TRPC4: variants seen among roughly 807,000 people sequenced by gnomAD.
The protein encoded by TRPC4 is transient receptor potential cation channel subfamily C member 4.
TRPC4 carries 49 observed loss-of-function variants against 99.4 expected under a neutral mutation model. The observed-to-expected ratio is 0.49, with a 90% confidence interval of 0.39 to 0.63. The LOEUF is 0.63. Among genes scored for constraint, TRPC4 ranks in the 20% least tolerant of loss-of-function variants. The probability of loss-of-function intolerance (pLI) is 0.00; values close to 1 mark genes in which losing one functional copy is unlikely to be tolerated. For synonymous variants in TRPC4, 454 were observed against 425.9 expected (o/e 1.07, Z -0.81); for missense variants, 898 against 1,152.9 (o/e 0.78, Z 3.20).
intron 6 of TRPC4, among the ~76,000 whole-genome samples, chr13:37,662,760 G>T (rs1952489202): frequency 6.6e-6 from 1 of 152,216 alleles, no homozygotes; most frequent in South Asian, 2.1e-4. Flanking sequence ...AATAGCCTAT[G>T]AGAGCTGTGT....
intron 3 of TRPC4, among the ~76,000 whole-genome samples, chr13:37,742,464 A>T (rs964011656): frequency 2.0e-5 from 3 of 152,140 alleles, no homozygotes; most frequent in African/African-American, 7.2e-5. Context: ...GGTGAGTAAG[A>T]TGGATGTGTT....
intron 1 of TRPC4, among the ~76,000 whole-genome samples, chr13:37,859,734 A>G (rs1470345114): frequency 6.6e-6 from 1 of 151,504 alleles, no homozygotes; most frequent in Non-Finnish European, 1.5e-5. Flanking sequence ...TGTACTAAAG[A>G]GAACTCTTAA....
intron 3 of TRPC4, among the ~76,000 whole-genome samples, chr13:37,699,502 T>A (rs1954031296): frequency 6.6e-6 from 1 of 152,136 alleles, no homozygotes; most frequent in Non-Finnish European, 1.5e-5. Flanking sequence ...TTCAGCCTTG[T>A]TAAAAGGCAA....
At chr13:37,650,364 C>A (rs189080079) in intron 8 of TRPC4, among the ~76,000 whole-genome samples, 17 of 152,140 alleles carry the variant, frequency 1.1e-4, no homozygotes, top group Admixed American at 1.0e-3. Context: ...ACTATGAGAA[C>A]TTTCAAAATT....
intron 2 of TRPC4, among the ~76,000 whole-genome samples, chr13:37,749,532 G>A (rs144562191): frequency 7.2e-5 from 11 of 152,092 alleles, no homozygotes; most frequent in African/African-American, 2.7e-4. Context: ...GTTTATCTAG[G>A]TCTCAGGGGA....
At chr13:37,768,641 A>G (rs1262894624) in intron 2 of TRPC4, among the ~76,000 whole-genome samples, 1 of 147,682 alleles carries the variant, frequency 6.8e-6, no homozygotes, top group Non-Finnish European at 1.5e-5. Flanking sequence ...CTTCTATTTT[A>G]ATGTGCAAAT....
intron 1 of TRPC4, among the ~76,000 whole-genome samples, chr13:37,860,913 T>A (rs1959269740): frequency 1.3e-5 from 2 of 151,512 alleles, no homozygotes; most frequent in Admixed American, 1.3e-4. Flanking sequence ...TACTTATGTA[T>A]CTATTTCATT....
chr13:37,766,805 T>C (rs1376437234), intron 2 of TRPC4, among the ~76,000 whole-genome samples: 1 of 151,430 alleles, frequency 6.6e-6, no homozygotes, highest in Non-Finnish European at 1.5e-5. Flanking sequence ...AGAGAAAACG[T>C]CACTGACTGT....
intron 1 of TRPC4, among the ~76,000 whole-genome samples, chr13:37,827,799 C>A (rs935663268): frequency 1.3e-5 from 2 of 152,236 alleles, no homozygotes; most frequent in African/African-American, 4.8e-5. Context: ...GTGGGCTCCA[C>A]CCAGTTCCAG....
At chr13:37,694,356 C>T (rs918775697) in intron 3 of TRPC4, among the ~76,000 whole-genome samples, 3 of 152,102 alleles carry the variant, frequency 2.0e-5, no homozygotes, top group Admixed American at 6.6e-5. Context: ...GCATGCAGAA[C>T]GAGTAAAAGA....
In TRPC4 at chr13:37,824,982, C is replaced by T. The variant is rs1210679880; in HGVS notation, c.-27-41622G>A. Among the ~76,000 whole-genome samples, 4 of 152,044 alleles carry T rather than the reference C, an allele frequency of 2.6e-5. No homozygotes were observed. The South Asian group carries it at 8.3e-4, about 31-fold the overall frequency. On this transcript the variant is annotated intron_variant, in intron 1 of 10. Transcript: ENST00000379705. ...ATTGGTCTATTCAGAGATTCAACTT[C>T]TTCCTGGTTTAGTCTTGGGAGAGTG...
At chr13:37,721,833 C>T (rs1954880938) in intron 3 of TRPC4, among the ~76,000 whole-genome samples, 2 of 151,872 alleles carry the variant, frequency 1.3e-5, no homozygotes, top group Non-Finnish European at 2.9e-5. Flanking sequence ...CATGGAGTTT[C>T]GCTATGCTAC....
intron 2 of TRPC4, among the ~76,000 whole-genome samples, chr13:37,753,850 G>C (rs1185545067): frequency 6.6e-6 from 1 of 152,078 alleles, no homozygotes; most frequent in Non-Finnish European, 1.5e-5. Flanking sequence ...TCCAATTAGG[G>C]CCAATGGCCC....
chr13:37,726,068 C>T (rs1010506494), intron 3 of TRPC4, among the ~76,000 whole-genome samples: 3 of 151,820 alleles, frequency 2.0e-5, no homozygotes, highest in Non-Finnish European at 4.4e-5. Flanking sequence ...TGGTGGTGGG[C>T]ACCTGTTGTC....
chr13:37,644,962 T>C (rs1170501288), intron 8 of TRPC4, among the ~76,000 whole-genome samples: 1 of 151,660 alleles, frequency 6.6e-6, no homozygotes, highest in African/African-American at 2.4e-5. Flanking sequence ...GTGAGTTGTG[T>C]TTAAGACAGA....
rs1021672025 is a variant in TRPC4 at position 37,636,912 on chromosome 13, T to C, written c.2925A>G (p.Thr975=). 2.5e-6 allele frequency: 4 copies of C among 1,609,962 alleles called. No individual in the cohort carries two copies. Among genetic ancestry groups the C allele is most frequent in the Non-Finnish European group, 3.4e-6 (4 of 1,177,704 alleles). The change falls in exon 11 of 11, where the codon ACA becomes ACG. Residue 975 remains threonine (T), a synonymous_variant. Coordinates refer to ENST00000379705, the MANE Select transcript of TRPC4 (RefSeq NM_016179.4). ...DTVTHEDYVT[T]RL ...CTTCCTCCTTCAAGTATCACAATCT[T>C]GTGGTCACGTAATCTTCGTGGGTGA...
At chr13:37,646,661 T>A (rs960556211) in intron 8 of TRPC4, among the ~76,000 whole-genome samples, 5 of 152,226 alleles carry the variant, frequency 3.3e-5, no homozygotes, top group Non-Finnish European at 7.3e-5. Context: ...TAGTTAAAGT[T>A]GTAAACTGGA....
At chr13:37,709,575 T>C (rs1184119081) in intron 3 of TRPC4, among the ~76,000 whole-genome samples, 1 of 151,920 alleles carries the variant, frequency 6.6e-6, no homozygotes, top group Non-Finnish European at 1.5e-5. Flanking sequence ...TAGTCCCTTT[T>C]CCCCAACACT....
intron 3 of TRPC4, among the ~76,000 whole-genome samples, chr13:37,722,389 G>C (rs796568328): frequency 1.1e-4 from 16 of 152,266 alleles, no homozygotes; most frequent in African/African-American, 3.9e-4. Flanking sequence ...AAAAAGGCTT[G>C]ATTAGGTTAA....
Sources: gnomAD v4.1 joint callset for allele counts (sites outside exome capture counted in the v4.1 genomes callset) on GRCh38, gnomAD v4.1.1 for gene constraint, MANE v1.5 for transcripts, NCBI Gene and HGNC (gene_info 2026-07-23, HGNC 2026-07-21) for gene names.